Variants in NRXN3 observed in about 807,000 individuals in gnomAD.
NRXN3 encodes neurexin III.
NRXN3 carries 32 observed loss-of-function variants against 137.6 expected under a neutral mutation model. That is an observed-to-expected ratio of 0.23 (90% CI 0.18 to 0.31). The LOEUF (loss-of-function observed/expected upper bound fraction) is 0.31, where lower values mean the gene tolerates loss of function less well. Ranked by LOEUF, NRXN3 falls within the 10% of genes least tolerant of loss-of-function variation. The pLI is 1.00. For synonymous variants in NRXN3, 798 were observed against 784.5 expected (o/e 1.02, Z -0.29); for missense variants, 1,574 against 2,062.5 (o/e 0.76, Z 4.59).
chr14:79,842,516 G>A (rs1456686467), intron 20 of NRXN3, among the ~76,000 whole-genome samples: 1 of 152,078 alleles, frequency 6.6e-6, no homozygotes, highest in Non-Finnish European at 1.5e-5. Context: ...AGGTCACAGT[G>A]GACTTTCCCA....
Position 79,644,654 on chromosome 14 carries a change from C to T in NRXN3, c.3445-19124C>T, listed in dbSNP as rs1166967221. ...GAAATGAAGCATTTACTACTTCTATCGAAGGTTTTTAAGATGGCAGCCTTT... is the reference window on the plus strand; with the variant it reads ...GAAATGAAGCATTTACTACTTCTATTGAAGGTTTTTAAGATGGCAGCCTTT... On this transcript the variant is annotated intron_variant, in intron 16 of 20. Transcript: ENST00000335750. 5.2e-5 allele frequency among the ~76,000 whole-genome samples: 7 copies of T among 135,674 alleles called. 2 individuals carry two copies. Among genetic ancestry groups the T allele is most frequent in the African/African-American group, 9.8e-5 (4 of 40,768 alleles). The allele number at this position is 135,674 out of a possible 152,430, so 89.0% of individuals were successfully genotyped here. A position where few individuals can be genotyped will look rare whatever the true frequency, so the allele number is the denominator to read the frequency against.
intron 16 of NRXN3, among the ~76,000 whole-genome samples, chr14:79,654,704 A>C (rs2098496797): frequency 6.6e-6 from 1 of 152,136 alleles, no homozygotes; most frequent in Non-Finnish European, 1.5e-5. Flanking sequence ...TAAGTACTAA[A>C]TCTCTCCATT....
intron 15 of NRXN3, among the ~76,000 whole-genome samples, chr14:79,395,735 G>C (rs2095000917): frequency 6.6e-6 from 1 of 151,572 alleles, no homozygotes; most frequent in Admixed American, 6.6e-5. Context: ...CGTGAACCCG[G>C]GAGGCAGAGC....
intron 10 of NRXN3, among the ~76,000 whole-genome samples, chr14:78,907,483 T>C (rs2099221635): frequency 1.3e-5 from 2 of 152,050 alleles, no homozygotes; most frequent in South Asian, 4.1e-4. Context: ...AGTGGATTTT[T>C]GTAGGAACAC....
chr14:78,991,745 G>C (rs924691153), intron 15 of NRXN3, among the ~76,000 whole-genome samples: 9 of 152,132 alleles, frequency 5.9e-5, no homozygotes, highest in African/African-American at 2.2e-4. Context: ...CCTAGCATTG[G>C]TTCTTTTATG....
At chr14:79,601,878 A>G (rs1377763484) in intron 16 of NRXN3, among the ~76,000 whole-genome samples, 1 of 152,196 alleles carries the variant, frequency 6.6e-6, no homozygotes, top group Non-Finnish European at 1.5e-5. Context: ...GCTAGAGACT[A>G]TGGCACCCAG....
chr14:79,589,084 A>G (rs944044372), intron 16 of NRXN3, among the ~76,000 whole-genome samples: 3 of 152,072 alleles, frequency 2.0e-5, no homozygotes, highest in Admixed American at 1.3e-4. Flanking sequence ...GCGAAACCCA[A>G]TCTCTACAAA....
At chr14:78,644,867 G>A (rs2097671169) in intron 4 of NRXN3, among the ~76,000 whole-genome samples, 1 of 152,214 alleles carries the variant, frequency 6.6e-6, no homozygotes, top group South Asian at 2.1e-4. Flanking sequence ...CGAAGGAAAG[G>A]CAGCAATCTC....
At chr14:79,797,885 G>C (rs1237031079) in intron 19 of NRXN3, among the ~76,000 whole-genome samples, 1 of 151,970 alleles carries the variant, frequency 6.6e-6, no homozygotes, top group Non-Finnish European at 1.5e-5. Flanking sequence ...TTCAGCCCAG[G>C]GGTTAGAGAC....
chr14:79,183,339 T>C (rs148637768), intron 15 of NRXN3, among the ~76,000 whole-genome samples: 2 of 152,312 alleles, frequency 1.3e-5, no homozygotes, highest in African/African-American at 4.8e-5. Context: ...ATCTTTCTGT[T>C]TCGTCCTTGC....
At chr14:79,308,249 A>G (rs1255813702) in intron 15 of NRXN3, among the ~76,000 whole-genome samples, 3 of 152,108 alleles carry the variant, frequency 2.0e-5, no homozygotes, top group Non-Finnish European at 4.4e-5. Context: ...TGTCCTTTGT[A>G]TGTCTTGAGA....
chr14:78,243,307 G>C lies in NRXN3; in HGVS notation c.214G>C (p.Val72Leu), dbSNP rs183291562. The stretch of plus-strand genomic sequence containing the variant: ...GCTCCTCTACCTGGATGATGGCGGC[G>C]TCTGCGACTTCCTATGCCTCTCCCT... ...GLLLYLDDGG[V>L]CDFLCLSLVD... Residue 72 changes from valine (V) to leucine (L), a missense_variant, in exon 2 of 21, where the codon GTC (valine) becomes CTC (leucine). By Grantham distance (32) the Val-to-Leu change is conservative. Transcript: ENST00000335750. This position sits in a 1 kb window ranked among gnomAD's most constrained non-coding sequence, Gnocchi z 4.2. The C allele has an allele frequency of 3.2e-6, 5 of 1,559,246 alleles. No individual in the cohort carries two copies. Among genetic ancestry groups the C allele is most frequent in the Non-Finnish European group, 4.3e-6 (5 of 1,160,178 alleles).
At chr14:79,379,179 C>T (rs986903157) in intron 15 of NRXN3, among the ~76,000 whole-genome samples, 25 of 152,052 alleles carry the variant, frequency 1.6e-4, no homozygotes, top group Non-Finnish European at 4.4e-5. Context: ...TTTTAACTTA[C>T]TGGAGACCAA....
chr14:79,016,561 C>T (rs1431472075), intron 15 of NRXN3, among the ~76,000 whole-genome samples: 4 of 152,120 alleles, frequency 2.6e-5, no homozygotes. Context: ...CTAGTAGAGC[C>T]TGTGATCTGG....
At chr14:78,780,188 A>G (rs192493917) in intron 8 of NRXN3, among the ~76,000 whole-genome samples, 1 of 152,346 alleles carries the variant, frequency 6.6e-6, no homozygotes, top group Non-Finnish European at 1.5e-5. Flanking sequence ...GACCAGGTAG[A>G]CATTGAAAAT....
In NRXN3 at chr14:79,293,434, G is replaced by A. The variant is rs76072866; in HGVS notation, c.3263-173787G>A. On this transcript the variant is annotated intron_variant, in intron 15 of 20. Transcript: ENST00000335750. ...ATCAAGTTATTTTTCATGTGAAAAAGCTAATAGACCAGAAGTTTGTGAATA... is the reference window on the plus strand; with the variant it reads ...ATCAAGTTATTTTTCATGTGAAAAAACTAATAGACCAGAAGTTTGTGAATA... Among the ~76,000 whole-genome samples the A allele has an allele frequency of 6.0e-3, 909 of 152,318 alleles. 10 individuals are homozygous for A. Among genetic ancestry groups the A allele is most frequent in the African/African-American group, 0.021 (867 of 41,570 alleles).
At chr14:78,895,824 G>C (rs894735483) in intron 10 of NRXN3, among the ~76,000 whole-genome samples, 1 of 151,830 alleles carries the variant, frequency 6.6e-6, no homozygotes, top group East Asian at 1.9e-4. Context: ...GAGGCCCAAG[G>C]AGAGGAAGAA....
intron 15 of NRXN3, among the ~76,000 whole-genome samples, chr14:79,122,261 A>G (rs1233896547): frequency 6.6e-6 from 1 of 152,204 alleles, no homozygotes; most frequent in Non-Finnish European, 1.5e-5. Flanking sequence ...GCAAACAGGA[A>G]TTGATGGGAG....
intron 4 of NRXN3, among the ~76,000 whole-genome samples, chr14:78,635,000 A>G (rs2097555559): frequency 6.6e-6 from 1 of 152,182 alleles, no homozygotes; most frequent in Admixed American, 6.5e-5. Context: ...AAAACTTGGT[A>G]CCACCTCTAG....
Sources: gnomAD v4.1 joint callset for allele counts (sites outside exome capture counted in the v4.1 genomes callset) on GRCh38, gnomAD v4.1.1 for gene constraint, Gnocchi (gnomAD v3.1) non-coding constraint, MANE v1.5 for transcripts, NCBI Gene and HGNC (gene_info 2026-07-23, HGNC 2026-07-21) for gene names.